CARD8: variants seen among roughly 807,000 people sequenced by gnomAD.
The protein encoded by CARD8 is caspase recruitment domain family member 8, also known as caspase recruitment domain-containing protein 8.
CARD8 carries 38 observed loss-of-function variants against 53.2 expected under a neutral mutation model. That is an observed-to-expected ratio of 0.71 (90% CI 0.55 to 0.94). The LOEUF is 0.94. Ranked by LOEUF, CARD8 falls within the 40% of genes least tolerant of loss-of-function variation. The pLI is 0.00. For synonymous variants in CARD8, 245 were observed against 244.9 expected, an observed-to-expected ratio of 1.00 and a Z score of 0.00; for missense variants, 561 against 655.5, an observed-to-expected ratio of 0.86 and a Z score of 1.57.
intron 12 of CARD8, among the ~76,000 whole-genome samples, chr19:48,215,689 G>A (rs546288973): frequency 6.6e-6 from 1 of 152,304 alleles, no homozygotes; most frequent in African/African-American, 2.4e-5. Flanking sequence ...CAGTCAAAGT[G>A]TTTTAGACAT....
chr19:48,219,124 G>T (rs765441716), intron 11 of CARD8, 112 bp from the exon 12 acceptor site: 48 of 924,762 alleles, frequency 5.2e-5, no homozygotes, highest in Non-Finnish European at 6.9e-5. Flanking sequence ...GTCATGGCTG[G>T]TTGAGTGGGA....
chr19:48,221,627 G>T, intron 11 of CARD8, 103 bp downstream of exon 11: 1 of 773,626 alleles, frequency 1.3e-6, no homozygotes, highest in Non-Finnish European at 1.9e-6. Context: ...GCATATTTGT[G>T]ATTAATAAAA....
At chr19:48,207,724 T>C (rs2037417988), downstream of CARD8, among the ~76,000 whole-genome samples, 1 of 119,278 alleles carries the variant, frequency 8.4e-6, no homozygotes, top group Non-Finnish European at 1.7e-5. Flanking sequence ...TTTTTTATTG[T>C]TGTTTTTCTG....
Position 48,232,282 on chromosome 19 carries a change from C to A in CARD8, c.391+171G>T, listed in dbSNP as rs563738384. Among the ~76,000 whole-genome samples, 9 of 152,344 alleles carry A rather than the reference C, an allele frequency of 5.9e-5. No homozygotes were observed. The East Asian group carries it at 1.7e-3, about 29-fold the overall frequency. On this transcript the variant is annotated intron_variant, in intron 7 of 13. Coordinates refer to ENST00000651546, the MANE Select transcript of CARD8 (RefSeq NM_001184900.3). Reference sequence around the variant, plus strand: ...TCCCCTGAGCATTTCCATGCCCCAGCAGTGACAGGCTTACATGTCCCCATT... The same window carrying A: ...TCCCCTGAGCATTTCCATGCCCCAGAAGTGACAGGCTTACATGTCCCCATT...
downstream of CARD8, among the ~76,000 whole-genome samples, chr19:48,207,737 T>TTTTTTTTTG (rs2037441929): frequency 1.1e-5 from 1 of 93,064 alleles, no homozygotes; most frequent in Non-Finnish European, 2.4e-5. Flanking sequence ...TTTTTCTGTT[T>TTTTTTTTTG]TTTTTTTTTT....
intron 3 of CARD8, among the ~76,000 whole-genome samples, chr19:48,246,627 A>G (rs896096168): frequency 2.6e-5 from 4 of 152,078 alleles, no homozygotes; most frequent in African/African-American, 9.7e-5. Context: ...ATAAAAAAAA[A>G]CATTGCTCTA....
intron 4 of CARD8, among the ~76,000 whole-genome samples, chr19:48,239,241 C>G (rs1426057364): frequency 6.6e-6 from 1 of 152,204 alleles, no homozygotes; most frequent in Non-Finnish European, 1.5e-5. Context: ...ACAGACATCA[C>G]TCAGCAGTGA....
chr19:48,238,947 C>T (rs1050116797), intron 4 of CARD8, among the ~76,000 whole-genome samples: 1 of 152,240 alleles, frequency 6.6e-6, no homozygotes, highest in Non-Finnish European at 1.5e-5. Context: ...AGGAGGCATG[C>T]CTCCTTTGAT....
At position 48,230,491 on chromosome 19, in the gene CARD8, CGGGGTG is replaced by C. The variant is rs1568782030; in HGVS notation, c.976_981del (p.His326_Pro327del). 4 of 1,613,742 alleles carry C rather than the reference CGGGGTG, an allele frequency of 2.5e-6. No homozygotes were observed. In the Admixed American group the frequency reaches 5.0e-5, roughly 20 times the overall value. ...AGGTACAAGTGGAACTTAATATCTT[CGGGGTG>C]GGGGTGATAATAGATCAATGTGTTG... On this transcript the variant is annotated inframe_deletion, in exon 10 of 14. Transcript: ENST00000651546.
At chr19:48,239,069 C>T (rs1211969888) in intron 4 of CARD8, among the ~76,000 whole-genome samples, 2 of 152,238 alleles carry the variant, frequency 1.3e-5, no homozygotes. Context: ...GGGCCCCACT[C>T]TTCTATCCTT....
At chr19:48,205,122 C>CA (rs1432166127), downstream of CARD8, among the ~76,000 whole-genome samples, 5 of 152,132 alleles carry the variant, frequency 3.3e-5, no homozygotes, top group Non-Finnish European at 1.5e-5. Context: ...CAGGAAAAGT[C>CA]GGAGTGTTGA....
intron 3 of CARD8, among the ~76,000 whole-genome samples, chr19:48,247,068 A>C (rs1319897050): frequency 1.3e-5 from 2 of 152,186 alleles, no homozygotes; most frequent in Non-Finnish European, 2.9e-5. Flanking sequence ...TCAAGCCTGT[A>C]ATCACCACAC....
At chr19:48,229,519 A>G (rs571173804) in intron 10 of CARD8, among the ~76,000 whole-genome samples, 1 of 152,358 alleles carries the variant, frequency 6.6e-6, no homozygotes, top group South Asian at 2.1e-4. Context: ...AAGTCCTGAC[A>G]GGCAGGCACC....
At chr19:48,244,560 G>T (rs1026210730) in intron 3 of CARD8, among the ~76,000 whole-genome samples, 3 of 152,206 alleles carry the variant, frequency 2.0e-5, no homozygotes, top group South Asian at 2.1e-4. Context: ...GTCTGGGCAG[G>T]TAGAGTGGAG....
rs138835425 is a variant in CARD8, at chr19:48,243,589, A to G, written c.-43-2526T>C. On this transcript the variant is annotated intron_variant, in intron 3 of 13. Coordinates refer to ENST00000651546, the MANE Select transcript of CARD8 (RefSeq NM_001184900.3). ...AAGCTTTTCCTTTGTTATAACGAAC[A>G]CTTTTCTTTTACTTAAGTATCGTTA... Among the ~76,000 whole-genome samples the G allele has an allele frequency of 3.9e-3, 588 of 152,308 alleles. 1 individual carries two copies. Among genetic ancestry groups the G allele is most frequent in the African/African-American group, 0.013 (539 of 41,574 alleles).
intron 13 of CARD8, among the ~76,000 whole-genome samples, chr19:48,214,097 A>T (rs1022373657): frequency 6.6e-6 from 1 of 152,212 alleles, no homozygotes; most frequent in African/African-American, 2.4e-5. Flanking sequence ...TGTCTACATG[A>T]TGTCCTCACG....
At chr19:48,212,642 T>G (rs2038250386) in intron 13 of CARD8, among the ~76,000 whole-genome samples, 1 of 152,232 alleles carries the variant, frequency 6.6e-6, no homozygotes, top group Admixed American at 6.5e-5. Context: ...TCCTGTAGAC[T>G]GAGCTACTAA....
chr19:48,238,598 C>T (rs973910540), intron 4 of CARD8, 66 bp from the exon 5 acceptor site: 1 of 1,463,666 alleles, frequency 6.8e-7, no homozygotes, highest in Non-Finnish European at 9.2e-7. Flanking sequence ...GGACAATCTC[C>T]TCACTGTGAT....
chr19:48,206,914 C>T (rs1245934067), downstream of CARD8, among the ~76,000 whole-genome samples: 1 of 152,114 alleles, frequency 6.6e-6, no homozygotes, highest in Non-Finnish European at 1.5e-5. Context: ...AGTGTGGAGG[C>T]TTTCCTGGCT....
Sources: allele counts gnomAD v4.1 joint callset (sites outside exome capture counted in the v4.1 genomes callset), GRCh38; gene constraint gnomAD v4.1.1; transcripts MANE v1.5; gene names NCBI Gene and HGNC (gene_info 2026-07-23, HGNC 2026-07-21).